TLE4: variants seen among roughly 807,000 people sequenced by gnomAD.
TLE4 encodes TLE family member 4, transcriptional corepressor.
TLE4 carries 8 observed loss-of-function variants against 92.8 expected under a neutral mutation model. The observed-to-expected ratio is 0.09, with a 90% CI of 0.05 to 0.16. The LOEUF (loss-of-function observed/expected upper bound fraction) is 0.16. Among genes scored for constraint, TLE4 ranks in the 10% least tolerant of loss-of-function variants. TLE4 has a pLI of 1.00. For synonymous variants in TLE4, 371 were observed against 374.1 expected (o/e 0.99, Z 0.10); for missense variants, 675 against 997.6 (o/e 0.68, Z 4.36).
intron 4 of TLE4, among the ~76,000 whole-genome samples, chr9:79,579,367 A>T (rs958761532): frequency 5.3e-5 from 8 of 152,136 alleles, no homozygotes; most frequent in African/African-American, 1.9e-4. Flanking sequence ...TCACTGATGG[A>T]CTCTGACAGC....
At chr9:79,705,235 A>G (rs1741557795) in intron 9 of TLE4, among the ~76,000 whole-genome samples, 1 of 152,378 alleles carries the variant, frequency 6.6e-6, no homozygotes, top group Non-Finnish European at 1.5e-5. Flanking sequence ...AGAAAAATAT[A>G]AAATCATAAA....
At chr9:79,678,045 T>C (rs1006462571) in intron 8 of TLE4, among the ~76,000 whole-genome samples, 12 of 152,106 alleles carry the variant, frequency 7.9e-5, no homozygotes, top group Non-Finnish European at 1.3e-4. Context: ...CTAAACAAAT[T>C]CAGTACGCTG....
Position 79,572,562 on chromosome 9 carries a change from G to A in TLE4, c.-229G>A, listed in dbSNP as rs1166104339. ...CGCGCGCCGGACAATGCCCGCGGCG[G>A]GCCAGTGACGCCCGCGGGGAATGCG... is the stretch of plus-strand genomic sequence containing the variant. On this transcript the variant is annotated 5_prime_UTR_variant, in exon 1 of 20. Transcript: ENST00000376552. 1.6e-5 allele frequency: 3 copies of A among 182,498 alleles called. No homozygotes were observed. The highest frequency in any genetic ancestry group is 4.8e-5 in the African/African-American group (2 of 41,878). 11.3% of individuals were successfully genotyped at this position (182,498 alleles called of 1,614,324 possible).
chr9:79,707,967 TG>T, intron 11 of TLE4, 150 bp from the exon 12 acceptor site: 1 of 766,430 alleles, frequency 1.3e-6, no homozygotes, highest in Non-Finnish European at 2.0e-6. Context: ...TTTGTTTCTT[TG>T]TTAACTTTTC....
At chr9:79,606,374 T>G (rs1587993122) in intron 4 of TLE4, among the ~76,000 whole-genome samples, 2 of 38,210 alleles carry the variant, frequency 5.2e-5, no homozygotes, top group Middle Eastern at 0.029. Context: ...TGTGTGTGTG[T>G]TTTTTTTTTT....
Position 79,579,680 on chromosome 9 carries a change from G to A in TLE4, c.252+3503G>A, listed in dbSNP as rs150897937. The stretch of plus-strand genomic sequence containing the variant: ...TGTGTGTATTTGTGTGTGTGTGTGT[G>A]TATATATATATGTATATTTAATCAA... On this transcript the variant is annotated intron_variant, in intron 4 of 19. Transcript: ENST00000376552. 8.9e-3 allele frequency among the ~76,000 whole-genome samples: 1,354 copies of A among 151,860 alleles called. 20 individuals are homozygous for A. Among genetic ancestry groups the A allele is most frequent in the African/African-American group, 0.029 (1,200 of 41,398 alleles).
At chr9:79,709,202 T>A (rs2072581463) in intron 13 of TLE4, among the ~76,000 whole-genome samples, 1 of 152,204 alleles carries the variant, frequency 6.6e-6, no homozygotes, top group Non-Finnish European at 1.5e-5. Flanking sequence ...TAAGTTAAGC[T>A]ACATGTGATT....
intron 1 of TLE4, chr9:79,573,118 C>A: frequency 1.5e-6 from 1 of 646,696 alleles, no homozygotes; most frequent in Non-Finnish European, 2.2e-6. Context: ...GCCGCGACTC[C>A]TCGAGGGGGG....
intron 6 of TLE4, among the ~76,000 whole-genome samples, chr9:79,650,716 G>A (rs998754000): frequency 6.6e-5 from 10 of 152,066 alleles, no homozygotes; most frequent in East Asian, 5.8e-4. Context: ...GACTTGGAGC[G>A]TGGGTGGGGC....
At chr9:79,710,227 T>A (rs2072907227) in intron 14 of TLE4, among the ~76,000 whole-genome samples, 1 of 152,236 alleles carries the variant, frequency 6.6e-6, no homozygotes, top group African/African-American at 2.4e-5. Flanking sequence ...GTTCTAGCCT[T>A]CTCTGAACGG....
chr9:79,720,370 A>G (rs1435526936), intron 16 of TLE4, 77 bp downstream of exon 16: 1 of 1,452,494 alleles, frequency 6.9e-7, no homozygotes, highest in Non-Finnish European at 9.2e-7. Context: ...CTGTGTATAT[A>G]GGTATGGGTG....
chr9:79,680,091 G>C (rs1160419419), intron 8 of TLE4, among the ~76,000 whole-genome samples: 1 of 151,390 alleles, frequency 6.6e-6, no homozygotes, highest in African/African-American at 2.4e-5. Flanking sequence ...GATTGACTTC[G>C]TGATGCAGGC....
chr9:79,708,638 C>T lies in TLE4; in HGVS notation c.1115C>T (p.Thr372Ile), dbSNP rs2072367606. The T allele has an allele frequency of 1.2e-6, 2 of 1,614,020 alleles. No homozygotes were observed. The highest frequency in any genetic ancestry group is 2.2e-5 in the East Asian group (1 of 44,886). Residue 372 changes from threonine to isoleucine, a missense_variant, in exon 13 of 20, where the codon ACT (threonine) becomes ATT (isoleucine). Physicochemically the swap from Thr to Ile is moderately conservative, Grantham distance 89 (BLOSUM62 -1). Around this residue, in one of 5 missense-constraint regions of TLE4, gnomAD observed 280 missense variants for 287.3 expected, o/e 0.97. Transcript: ENST00000376552. ...ATGGCAGTACCTTGTCCATATCCAA[C>T]TCCATTTGGGATTGTGCCCCATGCT... ...TPMAVPCPYP[T>I]PFGIVPHAGM...
intron 6 of TLE4, among the ~76,000 whole-genome samples, chr9:79,646,841 T>C (rs984508946): frequency 1.3e-5 from 2 of 152,212 alleles, no homozygotes; most frequent in Admixed American, 1.3e-4. Flanking sequence ...TGCTCCCTTC[T>C]ACAGGATGCC....
At chr9:79,658,723 G>C (rs932391616) in intron 8 of TLE4, among the ~76,000 whole-genome samples, 4 of 152,122 alleles carry the variant, frequency 2.6e-5, no homozygotes, top group African/African-American at 9.7e-5. Context: ...TTTACCGTTT[G>C]GGAGATAACT....
intron 5 of TLE4, among the ~76,000 whole-genome samples, chr9:79,624,901 T>TTGAA (rs371011863): frequency 5.3e-5 from 8 of 152,188 alleles, no homozygotes; most frequent in African/African-American, 1.9e-4. Flanking sequence ...AAAACTTTTG[T>TTGAA]TGAATGAATG....
chr9:79,644,074 G>T (rs1025465226), intron 6 of TLE4, among the ~76,000 whole-genome samples: 1 of 152,076 alleles, frequency 6.6e-6, no homozygotes, highest in South Asian at 2.1e-4. Context: ...TTGAATTATA[G>T]TTCCTACAAT....
At chr9:79,579,617 G>T (rs538187613) in intron 4 of TLE4, among the ~76,000 whole-genome samples, 3 of 152,048 alleles carry the variant, frequency 2.0e-5, no homozygotes, top group African/African-American at 4.8e-5. Flanking sequence ...AGTAAGTACT[G>T]CACATTTATG....
At chr9:79,636,234 G>A (rs757066122) in intron 6 of TLE4, among the ~76,000 whole-genome samples, 7 of 152,084 alleles carry the variant, frequency 4.6e-5, no homozygotes, top group Non-Finnish European at 7.4e-5. Context: ...GAGGCTACTG[G>A]ATCACTTGAG....
Sources: gnomAD v4.1 joint callset for allele counts (sites outside exome capture counted in the v4.1 genomes callset) on GRCh38, gnomAD v4.1.1 for gene constraint, gnomAD v4.1.1 regional missense constraint, MANE v1.5 for transcripts, NCBI Gene and HGNC (gene_info 2026-07-23, HGNC 2026-07-21) for gene names.